The following DOCK4 variants were observed in gnomAD, a reference collection of about 807,000 sequenced individuals.
DOCK4 encodes the protein dedicator of cytokinesis 4.
In DOCK4, 97 loss-of-function variants were observed where a neutral mutation model predicts 268.1. The observed-to-expected ratio is 0.36, with a 90% confidence interval of 0.31 to 0.43. The LOEUF (loss-of-function observed/expected upper bound fraction) is 0.43, where lower values mean the gene tolerates loss of function less well. Ranked by LOEUF, DOCK4 falls within the 20% of genes least tolerant of loss-of-function variation. DOCK4 has a pLI of 1.00. For synonymous variants in DOCK4, 954 were observed against 887.2 expected, an observed-to-expected ratio of 1.08 and a Z score of -1.34; for missense variants, 2,145 against 2,455.7, an observed-to-expected ratio of 0.87 and a Z score of 2.67.
At chr7:112,188,392 A>C (rs1173393703) in intron 1 of DOCK4, among the ~76,000 whole-genome samples, 2 of 152,242 alleles carry the variant, frequency 1.3e-5, no homozygotes, top group Non-Finnish European at 2.9e-5. Context: ...TGAGGCCCTA[A>C]GAAGATAAAT....
rs374610758 is a variant in DOCK4 at position 111,940,187 on chromosome 7, G to A, written c.900C>T (p.Pro300=). 5.0e-6 allele frequency: 8 copies of A among 1,613,856 alleles called. No individual in the cohort carries two copies. Among genetic ancestry groups the A allele is most frequent in the African/African-American group, 1.3e-5 (1 of 74,918 alleles). The change falls in exon 11 of 53, where the codon CCC becomes CCT. Residue 300 remains proline, a synonymous_variant. Transcript: ENST00000428084. Reference sequence around the variant, plus strand: ...CGATGCTAAGAACTGCACAGCCAAAGGGTCGTCGGTACTGGACACTACAGG... The same window carrying A: ...CGATGCTAAGAACTGCACAGCCAAAAGGTCGTCGGTACTGGACACTACAGG... ...KNACSVQYRR[P]FGCAVLSIAD... is the part of the protein sequence containing the mutation.
intron 1 of DOCK4, among the ~76,000 whole-genome samples, chr7:112,085,361 T>C (rs939847940): frequency 6.6e-6 from 1 of 152,062 alleles, no homozygotes; most frequent in African/African-American, 2.4e-5. Context: ...TGACCTAAGA[T>C]AGGGCAATTT....
chr7:111,783,014 G>GAAAAAAAA, intron 34 of DOCK4, 90 bp from the exon 35 acceptor site: 3 of 412,752 alleles, frequency 7.3e-6, no homozygotes, highest in Non-Finnish European at 7.3e-6. Flanking sequence ...AAGAAAGAAA[G>GAAAAAAAA]AAAGAAAAAA....
At chr7:111,763,553 C>G (rs1797583616) in intron 39 of DOCK4, among the ~76,000 whole-genome samples, 1 of 152,210 alleles carries the variant, frequency 6.6e-6, no homozygotes, top group Non-Finnish European at 1.5e-5. Context: ...AATTATGACT[C>G]TTAAACTACT....
At chr7:111,734,965 T>C (rs1563425699) in intron 51 of DOCK4, 89 bp downstream of exon 51, 3 of 1,042,906 alleles carry the variant, frequency 2.9e-6, no homozygotes, top group Non-Finnish European at 4.3e-6. Flanking sequence ...ATCAAACGCC[T>C]ACCTTTCTCT....
chr7:112,033,563 T>A (rs750279269), intron 1 of DOCK4, among the ~76,000 whole-genome samples: 22 of 152,384 alleles, frequency 1.4e-4, no homozygotes, highest in Middle Eastern at 3.4e-3. Flanking sequence ...TACCCTCTTT[T>A]AGGCTGTATC....
chr7:111,923,463 T>C (rs1793327980), intron 12 of DOCK4, among the ~76,000 whole-genome samples: 1 of 152,352 alleles, frequency 6.6e-6, no homozygotes, highest in East Asian at 1.9e-4. Context: ...ATTTTCTCTC[T>C]GGTTTCTGGT....
rs146062513 is a variant in DOCK4, at chr7:112,126,241, T to G, written c.37+79861A>C. Among the ~76,000 whole-genome samples, 283 of 152,366 alleles carry G rather than the reference T, an allele frequency of 1.9e-3. 3 individuals carry two copies. The highest frequency in any genetic ancestry group is 5.2e-3 in the Admixed American group (79 of 15,304). On this transcript the variant is annotated intron_variant, in intron 1 of 52. Transcript: ENST00000428084. ...GAAATCTTCAAGGACAGAGGCTCTCTGGGTGCATACCATAATCAAGAATCA... is the reference window on the plus strand; with the variant it reads ...GAAATCTTCAAGGACAGAGGCTCTCGGGGTGCATACCATAATCAAGAATCA...
intron 25 of DOCK4, among the ~76,000 whole-genome samples, chr7:111,837,577 C>T (rs1803327360): frequency 6.6e-6 from 1 of 151,952 alleles, no homozygotes; most frequent in Non-Finnish European, 1.5e-5. Context: ...GATCAATGTA[C>T]AAAAATAAAT....
At chr7:112,100,008 T>C (rs1810527344) in intron 1 of DOCK4, among the ~76,000 whole-genome samples, 1 of 152,216 alleles carries the variant, frequency 6.6e-6, no homozygotes, top group African/African-American at 2.4e-5. Context: ...TAGGTTATTA[T>C]AATTTTACAA....
At chr7:111,826,410 G>A (rs138157676) in intron 26 of DOCK4, among the ~76,000 whole-genome samples, 4 of 152,236 alleles carry the variant, frequency 2.6e-5, no homozygotes, top group East Asian at 1.9e-4. Context: ...TGAGAGGATC[G>A]AATTTGTGTT....
Position 111,791,070 on chromosome 7 carries a change from TTATA to T in DOCK4, c.3167-469_3167-466del, listed in dbSNP as rs35033313. 2.2e-3 allele frequency among the ~76,000 whole-genome samples: 211 copies of T among 95,422 alleles called. 4 individuals are homozygous for T. The Middle Eastern group carries it at 0.034, about 15-fold the overall frequency. The allele number at this position is 95,422 out of a possible 152,430, so 62.6% of individuals were successfully genotyped here. On this transcript the variant is annotated intron_variant, in intron 30 of 52. Coordinates refer to ENST00000428084, the MANE Select transcript of DOCK4 (RefSeq NM_001363540.2). Reference sequence around the variant, plus strand: ...AAGACTCTGTCTCAAAAAAAAAAAATTATATATATATATATATATATATATATAT... The same window carrying T: ...AAGACTCTGTCTCAAAAAAAAAAAATTATATATATATATATATATATATAT...
At chr7:112,198,406 T>C (rs910128765) in intron 1 of DOCK4, among the ~76,000 whole-genome samples, 1 of 152,218 alleles carries the variant, frequency 6.6e-6, no homozygotes, top group African/African-American at 2.4e-5. Context: ...CCAGTCTATA[T>C]TTGTTATAGT....
intron 27 of DOCK4, among the ~76,000 whole-genome samples, chr7:111,813,182 T>C (rs1354938622): frequency 6.6e-6 from 1 of 152,202 alleles, no homozygotes. Flanking sequence ...GATGCATGTG[T>C]AATGAGTGTG....
chr7:112,128,859 T>A (rs1813528182), intron 1 of DOCK4, among the ~76,000 whole-genome samples: 1 of 151,886 alleles, frequency 6.6e-6, no homozygotes, highest in Non-Finnish European at 1.5e-5. Flanking sequence ...TCCACTATTG[T>A]CCTATGACCC....
chr7:111,959,554 C>T (rs1170151280), intron 8 of DOCK4, among the ~76,000 whole-genome samples: 2 of 152,170 alleles, frequency 1.3e-5, no homozygotes, highest in Non-Finnish European at 2.9e-5. Flanking sequence ...CATATCTGCT[C>T]TCTTAACTAT....
At chr7:111,825,341 C>G (rs1273635849) in intron 26 of DOCK4, among the ~76,000 whole-genome samples, 1 of 152,164 alleles carries the variant, frequency 6.6e-6, no homozygotes, top group Non-Finnish European at 1.5e-5. Flanking sequence ...TTCCAATACT[C>G]GAAAGCAATA....
intron 10 of DOCK4, among the ~76,000 whole-genome samples, chr7:111,940,776 G>T (rs1172452246): frequency 6.6e-6 from 1 of 152,120 alleles, no homozygotes; most frequent in Admixed American, 6.6e-5. Flanking sequence ...CTGTTGTAAA[G>T]TTTTAACTTG....
chr7:112,105,569 TA>T (rs11371769), intron 1 of DOCK4, among the ~76,000 whole-genome samples: 86 of 147,956 alleles, frequency 5.8e-4, no homozygotes, highest in African/African-American at 9.1e-4. Context: ...ACAACAAATC[TA>T]AAAAAAAAAA....
Sources: allele counts gnomAD v4.1 joint callset (sites outside exome capture counted in the v4.1 genomes callset), GRCh38; gene constraint gnomAD v4.1.1; transcripts MANE v1.5; gene names NCBI Gene and HGNC (gene_info 2026-07-23, HGNC 2026-07-21).